PDLIM2: variants seen among roughly 807,000 people sequenced by gnomAD.
PDLIM2 encodes the protein PDZ and LIM domain 2, also known as PDZ and LIM domain protein 2.
PDLIM2 carries 51 observed loss-of-function variants against 54.1 expected under a neutral mutation model. The ratio of observed to expected loss-of-function variants is 0.94; its 90% CI spans 0.75 to 1.19. The LOEUF (loss-of-function observed/expected upper bound fraction) is 1.19, where lower values mean the gene tolerates loss of function less well. Ranked by LOEUF, PDLIM2 falls within the 50% of genes most tolerant of loss-of-function variation. The probability of loss-of-function intolerance (pLI) is 0.00; values close to 1 mark genes in which losing one functional copy is unlikely to be tolerated. For synonymous variants in PDLIM2, 398 were observed against 385.6 expected, an observed-to-expected ratio of 1.03 and a Z score of -0.38; for missense variants, 912 against 874.0, an observed-to-expected ratio of 1.04 and a Z score of -0.55.
At chr8:22,589,612 G>C in exon 8 of PDLIM2, 1 of 1,602,802 alleles carries the variant, frequency 6.2e-7, no homozygotes, top group Middle Eastern at 1.7e-4. Context: ...CTCGGAAGGG[G>C]GAAGCCTCCT....
chr8:22,579,357 C>T (rs1423107749), exon 1 of PDLIM2: 3 of 1,469,042 alleles, frequency 2.0e-6, no homozygotes, highest in East Asian at 2.9e-5. Flanking sequence ...TCAGCGGGGG[C>T]GCCCCCGCGA....
chr8:22,594,729 C>T, downstream of PDLIM2: 1 of 1,522,050 alleles, frequency 6.6e-7, no homozygotes, highest in East Asian at 2.3e-5. Flanking sequence ...ACACCTTCCA[C>T]TTCTTTCCTG....
At chr8:22,593,954 T>G in exon 10 of PDLIM2, 2 of 1,530,068 alleles carry the variant, frequency 1.3e-6, no homozygotes, top group Non-Finnish European at 1.8e-6. Context: ...GCCAGGGTCA[T>G]GCCTATATAA....
rs534302660 is a variant in PDLIM2, at chr8:22,585,171, G to A, written c.1211+9G>A. On this transcript the variant is annotated intron_variant, in intron 5 of 9. Coordinates refer to ENST00000308354, the Ensembl canonical transcript of PDLIM2. ...GCAGCCATCAGCCGCAGGTGAGTGT[G>A]CCTGTGAGTGGGTACCCTGGTCGCC... is the stretch of plus-strand genomic sequence containing the variant. 5.1e-5 allele frequency: 83 copies of A among 1,612,782 alleles called. No homozygotes were observed. The East Asian group carries it at 1.8e-3, about 36-fold the overall frequency.
Position 22,585,408 on chromosome 8 carries a change from C to A in PDLIM2, c.1290+9C>A. ...GCCCTGGAAGCCGACAGGTGAGGCT[C>A]CCTGGGGGAGGACAGGCTGGAGGAA... On this transcript the variant is annotated intron_variant, in intron 6 of 9. Coordinates refer to ENST00000308354, the Ensembl canonical transcript of PDLIM2. 1 of 1,603,952 alleles carries A rather than the reference C, an allele frequency of 6.2e-7. No individual in the cohort carries two copies. The highest frequency in any genetic ancestry group is 1.1e-5 in the South Asian group (1 of 89,814).
chr8:22,584,988 C>T (rs1586922453), intron 4 of PDLIM2, 29 bp from the exon 4 acceptor site: 4 of 1,613,300 alleles, frequency 2.5e-6, no homozygotes, highest in Non-Finnish European at 3.4e-6. Flanking sequence ...GCAGCCCTGC[C>T]TTTCCTGACA....
chr8:22,590,294 T>C (rs1800504349), intron 8 of PDLIM2: 1 of 155,120 alleles, frequency 6.4e-6, no homozygotes, highest in South Asian at 2.0e-4. Flanking sequence ...AGGAAAGCCA[T>C]TAAATACTGA....
chr8:22,594,272 T>G, exon 10 of PDLIM2: 1 of 1,395,472 alleles, frequency 7.2e-7, no homozygotes, highest in Non-Finnish European at 9.3e-7. Context: ...ACTAGCTCTA[T>G]AAATATATGA....
intron 8 of PDLIM2, 199 bp from the exon 8 acceptor site, chr8:22,591,352 A>T (rs1385577901): frequency 1.6e-6 from 1 of 611,344 alleles, no homozygotes; most frequent in African/African-American, 1.8e-5. Context: ...TCGGCCTTGT[A>T]CCTGCCTCCT....
chr8:22,584,170 ATTTTTTT>A (rs573417233), intron 3 of PDLIM2, among the ~76,000 whole-genome samples: 1 of 139,586 alleles, frequency 7.2e-6, no homozygotes, highest in East Asian at 2.1e-4. Flanking sequence ...GCTTGGCTAA[ATTTTTTT>A]TTTTTTTTTT....
intron 9 of PDLIM2, chr8:22,591,896 T>C: frequency 2.2e-6 from 1 of 458,784 alleles, no homozygotes; most frequent in Non-Finnish European, 3.9e-6. Flanking sequence ...CTCTCCTCCT[T>C]TTCCCATCCC....
At chr8:22,579,174 T>C in exon 1 of PDLIM2, 1 of 1,362,096 alleles carries the variant, frequency 7.3e-7, no homozygotes, top group Non-Finnish European at 9.4e-7. Context: ...CTCCCCGCCT[T>C]CCCTCCCTCC....
exon 8 of PDLIM2, chr8:22,589,715 A>C (rs1401655778): frequency 6.4e-6 from 10 of 1,570,416 alleles, no homozygotes; most frequent in Non-Finnish European, 8.6e-6. Flanking sequence ...CGGCTCTTGC[A>C]GGAAGCCCTG....
intron 3 of PDLIM2, among the ~76,000 whole-genome samples, chr8:22,584,511 A>G (rs886392215): frequency 5.9e-5 from 9 of 151,382 alleles, no homozygotes; most frequent in East Asian, 2.0e-4. Flanking sequence ...AGGTCTTCCT[A>G]TGTTGCCCAG....
intron 3 of PDLIM2, among the ~76,000 whole-genome samples, chr8:22,583,098 C>A (rs1563861579): frequency 6.6e-6 from 1 of 151,996 alleles, no homozygotes; most frequent in Admixed American, 6.5e-5. Flanking sequence ...AGCCTCACGG[C>A]CAGGAATGTG....
At chr8:22,589,919 GGGAGGGTCC>G in intron 8 of PDLIM2, 178 bp downstream of exon 7, 1 of 365,222 alleles carries the variant, frequency 2.7e-6, no homozygotes, top group Non-Finnish European at 4.5e-6. Context: ...CTGACGGTCC[GGGAGGGTCC>G]GGGAGGGTCA....
exon 1 of PDLIM2, chr8:22,579,352 G>A: frequency 6.8e-7 from 1 of 1,467,832 alleles, no homozygotes; most frequent in Non-Finnish European, 9.0e-7. Context: ...TCGCATCAGC[G>A]GGGGCGCCCC....
intron 3 of PDLIM2, 100 bp from the exon 3 acceptor site, chr8:22,584,721 A>G: frequency 9.1e-7 from 1 of 1,103,704 alleles, no homozygotes. Flanking sequence ...TGTAGCTTTT[A>G]CTGGTGTTGA....
At chr8:22,594,075 A>G in exon 10 of PDLIM2, 1 of 1,433,884 alleles carries the variant, frequency 7.0e-7, no homozygotes, top group Admixed American at 2.8e-5. Context: ...CCTGTCTTGG[A>G]CTGTGGGAGA....
Sources: gnomAD v4.1 joint callset for allele counts (sites outside exome capture counted in the v4.1 genomes callset) on GRCh38, gnomAD v4.1.1 for gene constraint, MANE v1.5 for transcripts, NCBI Gene and HGNC (gene_info 2026-07-23, HGNC 2026-07-21) for gene names.